SRRD: variants seen among roughly 807,000 people sequenced by gnomAD.
SRRD encodes SRR1-like protein.
In SRRD, 28 loss-of-function variants were observed where a neutral mutation model predicts 30.7. The ratio of observed to expected loss-of-function variants is 0.91; its 90% CI spans 0.68 to 1.25. SRRD has a LOEUF of 1.25. SRRD is among the 50% of genes most tolerant of loss of function. SRRD has a pLI of 0.00. For synonymous variants in SRRD, 161 were observed against 159.6 expected, an observed-to-expected ratio of 1.01 and a Z score of -0.07; for missense variants, 415 against 417.3, an observed-to-expected ratio of 0.99 and a Z score of 0.05.
At chr22:26,484,222 C>T (rs890037385) in intron 1 of SRRD, 123 bp downstream of exon 1, 5 of 1,055,048 alleles carry the variant, frequency 4.7e-6, no homozygotes, top group Non-Finnish European at 6.8e-6. Flanking sequence ...GAAGAGTTAA[C>T]GTAGGTAACG....
chr22:26,492,548 C>A lies in SRRD; in HGVS notation c.*876C>A. 1 of 605,524 alleles carries A rather than the reference C, an allele frequency of 1.7e-6. No individual in the cohort carries two copies. Among genetic ancestry groups the A allele is most frequent in the Non-Finnish European group, 2.9e-6 (1 of 341,166 alleles). The allele number at this position is 605,524 out of a possible 1,614,324, so 37.5% of individuals were successfully genotyped here. A position where few individuals can be genotyped will look rare whatever the true frequency, so the allele number is the denominator to read the frequency against. On this transcript the variant is annotated 3_prime_UTR_variant, in exon 7 of 7. Transcript: ENST00000215917. The stretch of plus-strand genomic sequence containing the variant: ...ACGACTGGCCAGTATCACATAAAAA[C>A]TGTTCAGAAGGTTCCTGGCTAGTAT...
chr22:26,490,333 C>G lies in SRRD; in HGVS notation c.764+135C>G, dbSNP rs187335635. 10 of 1,046,676 alleles carry G rather than the reference C, an allele frequency of 9.6e-6. No homozygotes were observed. The East Asian group carries it at 2.4e-4, about 25-fold the overall frequency. 64.8% of individuals were successfully genotyped at this position (1,046,676 alleles called of 1,614,324 possible). On this transcript the variant is annotated intron_variant, in intron 5 of 6. Coordinates refer to ENST00000215917, the MANE Select transcript of SRRD (RefSeq NM_001013694.3). ...TTTTCCACAGGGAACTGGATGAAGG[C>G]TTAAAGACAGATGTCAAATCCTGAT...
In SRRD at chr22:26,490,038, C is replaced by A. The variant is rs770014020; in HGVS notation, c.610-6C>A. ...ATGTTTACACCTGTGAATATCGTAT[C>A]CCCAGGAAGGGAAACGGAGTATTCG... On this transcript the variant is annotated splice_polypyrimidine_tract_variant and splice_region_variant and intron_variant, in intron 4 of 6. Transcript: ENST00000215917. The A allele has an allele frequency of 3.2e-5, 52 of 1,613,730 alleles. No homozygotes were observed. The highest frequency in any genetic ancestry group is 2.0e-5 in the Non-Finnish European group (24 of 1,179,812).
Position 26,492,256 on chromosome 22 carries a change from C to T in SRRD, c.*584C>T, listed in dbSNP as rs1296640899. 1.2e-5 allele frequency: 20 copies of T among 1,614,234 alleles called. No homozygotes were observed. The highest frequency in any genetic ancestry group is 1.7e-5 in the Non-Finnish European group (20 of 1,180,040). ...CGGCCACGCCAATGCCCCTCTGAGC[C>T]ATGTTCTCAGCCTCCCGCCTCTCCT... On this transcript the variant is annotated 3_prime_UTR_variant, in exon 7 of 7. Transcript: ENST00000215917.
At position 26,490,200 on chromosome 22, in the gene SRRD, T is replaced by A. The variant is rs368040628; in HGVS notation, c.764+2T>A. 1.2e-6 allele frequency: 2 copies of A among 1,613,838 alleles called. No individual in the cohort carries two copies. The highest frequency in any genetic ancestry group is 2.7e-5 in the African/African-American group (2 of 74,886). On this transcript the variant is annotated splice_donor_variant, in intron 5 of 6. Coordinates refer to ENST00000215917, the MANE Select transcript of SRRD (RefSeq NM_001013694.3). LOFTEE classifies it high-confidence loss of function. ...CAGTTTCAAAGGACTTGAGGAGAGG[T>A]AAGTCTGAGAATGCTGAGATTCTGT... is the stretch of plus-strand genomic sequence containing the variant.
chr22:26,483,888 C>G lies in SRRD; in HGVS notation c.-3C>G. The G allele has an allele frequency of 7.4e-7, 1 of 1,350,174 alleles. No homozygotes were observed. Among genetic ancestry groups the G allele is most frequent in the Non-Finnish European group, 9.4e-7 (1 of 1,060,360 alleles). The allele number at this position is 1,350,174 out of a possible 1,614,324, so 83.6% of individuals were successfully genotyped here. A position where few individuals can be genotyped will look rare whatever the true frequency, so the allele number is the denominator to read the frequency against. ...CGCCGCACGCCGCTGACGTCAGAGA[C>G]CAATGGCTGCGGCCGCAGCTGCGGC... On this transcript the variant is annotated 5_prime_UTR_variant, in exon 1 of 7. Transcript: ENST00000215917.
intron 4 of SRRD, among the ~76,000 whole-genome samples, chr22:26,488,955 A>AC (rs1185126587): frequency 6.6e-6 from 1 of 152,034 alleles, no homozygotes; most frequent in Non-Finnish European, 1.5e-5. Context: ...CCATGTTTGC[A>AC]CCCCCCAAAA....
chr22:26,494,201 G>C lies in SRRD; in HGVS notation c.*2529G>C, dbSNP rs2147119719. 1 of 1,614,140 alleles carries C rather than the reference G, an allele frequency of 6.2e-7. No individual in the cohort carries two copies. Among genetic ancestry groups the C allele is most frequent in the East Asian group, 2.2e-5 (1 of 44,888 alleles). On this transcript the variant is annotated 3_prime_UTR_variant, in exon 7 of 7. Transcript: ENST00000215917. ...TGCCTCATTAAATTTGTCCTTGACA[G>C]ATGGATGTGCCAGCACTTGGTCTGA...
In SRRD at chr22:26,490,242, G is replaced by A. The variant is rs375279859; in HGVS notation, c.764+44G>A. ...AGATTCTGTCAGGCCCTGAGGTGAA[G>A]CCCATACCTCAGATTGACCCACATG... On this transcript the variant is annotated intron_variant, in intron 5 of 6. Transcript: ENST00000215917. The A allele has an allele frequency of 1.3e-5, 18 of 1,404,438 alleles. No homozygotes were observed. The African/African-American group carries it at 2.0e-4, about 15-fold the overall frequency. The allele number at this position is 1,404,438 out of a possible 1,614,324, so 87.0% of individuals were successfully genotyped here. A position where few individuals can be genotyped will look rare whatever the true frequency, so the allele number is the denominator to read the frequency against.
In SRRD at chr22:26,494,501, T is replaced by TA; in HGVS notation, c.*2829_*2830insA. ...GCCTGGTAGCTAAAGTGCCCTTGCA[T>TA]GTAAACTCTCTGAGCCTCAGCTTCC... On this transcript the variant is annotated 3_prime_UTR_variant, in exon 7 of 7. Coordinates refer to ENST00000215917, the MANE Select transcript of SRRD (RefSeq NM_001013694.3). 1.4e-6 allele frequency: 1 copy of TA among 729,668 alleles called. No individual in the cohort carries two copies. The highest frequency in any genetic ancestry group is 2.2e-6 in the Non-Finnish European group (1 of 446,992). 45.2% of individuals were successfully genotyped at this position (729,668 alleles called of 1,614,324 possible). A position where few individuals can be genotyped will look rare whatever the true frequency, so the allele number is the denominator to read the frequency against.
Position 26,484,095 on chromosome 22 carries a change from G to A in SRRD, c.205G>A (p.Ala69Thr). 3 of 1,513,420 alleles carry A rather than the reference G, an allele frequency of 2.0e-6. No homozygotes were observed. Among genetic ancestry groups the A allele is most frequent in the Non-Finnish European group, 2.6e-6 (3 of 1,137,120 alleles). The allele number at this position is 1,513,420 out of a possible 1,614,324, so 93.7% of individuals were successfully genotyped here. The change falls in exon 1 of 7, where the codon GCT becomes ACT. Residue 69 changes from alanine (A) to threonine (T), a missense_variant. Physicochemically the swap from Ala to Thr is moderately conservative, Grantham distance 58. Transcript: ENST00000215917. ...SGVVLRRIWE[A>T]EKDLFISDFW... ...AGTCGTGCTTCGTCGCATCTGGGAGGCTGAGTGAGTGCAGGCTCGGCCCTG... is the reference window on the plus strand; with the variant it reads ...AGTCGTGCTTCGTCGCATCTGGGAGACTGAGTGAGTGCAGGCTCGGCCCTG...
chr22:26,485,841 G>A (rs1195257731), intron 1 of SRRD, among the ~76,000 whole-genome samples, 182 bp from the exon 2 acceptor site: 4 of 152,196 alleles, frequency 2.6e-5, no homozygotes, highest in Non-Finnish European at 5.9e-5. Context: ...CTGAGCCCCA[G>A]CAGTATGTGC....
intron 2 of SRRD, 174 bp from the exon 3 acceptor site, chr22:26,487,851 CTGTA>C: frequency 1.5e-6 from 1 of 646,452 alleles, no homozygotes; most frequent in East Asian, 2.9e-5. Context: ...GTGAATGTGA[CTGTA>C]TGTCCAGGCA....
At chr22:26,491,218 CTA>C (rs1921130977) in intron 6 of SRRD, 148 bp downstream of exon 6, 1 of 858,406 alleles carries the variant, frequency 1.2e-6, no homozygotes, top group Non-Finnish European at 1.8e-6. Context: ...TTCCAGAAAG[CTA>C]TGACTCTTTA....
intron 2 of SRRD, 74 bp from the exon 3 acceptor site, chr22:26,487,955 C>A (rs1458805525): frequency 2.7e-6 from 4 of 1,497,600 alleles, no homozygotes; most frequent in Non-Finnish European, 3.6e-6. Flanking sequence ...AATATGTGAA[C>A]TTCTTTTGTG....
chr22:26,485,911 TGCATTGCAGG>T, intron 1 of SRRD, 102 bp from the exon 2 acceptor site: 4 of 1,268,862 alleles, frequency 3.2e-6, no homozygotes, highest in Middle Eastern at 3.9e-4. Flanking sequence ...GGGTGGGCCC[TGCATTGCAGG>T]GCACCTCATT....
At chr22:26,487,111 G>A (rs1301061731) in intron 2 of SRRD, among the ~76,000 whole-genome samples, 1 of 151,794 alleles carries the variant, frequency 6.6e-6, no homozygotes, top group Non-Finnish European at 1.5e-5. Context: ...TGTAGAGATG[G>A]GGTTTCACCA....
At position 26,487,893 on chromosome 22, in the gene SRRD, C is replaced by T. The variant is rs1452201564; in HGVS notation, c.251-136C>T. On this transcript the variant is annotated intron_variant, in intron 2 of 6. Coordinates refer to ENST00000215917, the MANE Select transcript of SRRD (RefSeq NM_001013694.3). ...TTTGGGAATGAGGCTGGCAGCTTCT[C>T]TCTCTCTCTGAAGAATTGAAACCTT... 5.6e-5 allele frequency: 53 copies of T among 943,858 alleles called. No individual in the cohort carries two copies. The East Asian group carries it at 1.4e-3, about 24-fold the overall frequency. The allele number at this position is 943,858 out of a possible 1,614,324, so 58.5% of individuals were successfully genotyped here.
At chr22:26,490,314 A>C in intron 5 of SRRD, 116 bp downstream of exon 5, 4 of 1,195,286 alleles carry the variant, frequency 3.3e-6, no homozygotes, top group South Asian at 1.5e-5. Flanking sequence ...ATGCTTTTCC[A>C]CAGGGAACTG....
Sources: gnomAD v4.1 joint callset for allele counts (sites outside exome capture counted in the v4.1 genomes callset) on GRCh38, gnomAD v4.1.1 for gene constraint, MANE v1.5 for transcripts, NCBI Gene and HGNC (gene_info 2026-07-23, HGNC 2026-07-21) for gene names.